The following XPO5 variants were observed in gnomAD, a reference collection of about 807,000 sequenced individuals.
XPO5 encodes exportin 5.
A neutral mutation model predicts 160.6 loss-of-function variants in XPO5; 46 were observed. The ratio of observed to expected loss-of-function variants is 0.29; its 90% CI spans 0.23 to 0.37. The LOEUF (loss-of-function observed/expected upper bound fraction) is 0.37. Among genes scored for constraint, XPO5 ranks in the 10% least tolerant of loss-of-function variants. XPO5 has a pLI of 1.00. For synonymous variants in XPO5, 537 were observed against 519.3 expected (o/e 1.03, Z -0.46); for missense variants, 1,090 against 1,463.9 (o/e 0.74, Z 4.17).
rs1793895571 is a variant in XPO5 at position 43,530,424 on chromosome 6, A to G, written c.2677+264T>C. On this transcript the variant is annotated intron_variant, in intron 23 of 31. Coordinates refer to ENST00000265351, the MANE Select transcript of XPO5 (RefSeq NM_020750.3). ...CAACAGAGTGAGCAAGACTGTCTCA[A>G]AAAAAAAAAAAAGTTTTATCTGTAA... Among the ~76,000 whole-genome samples the G allele has an allele frequency of 2.0e-5, 3 of 148,104 alleles. No homozygotes were observed. In the South Asian group the frequency reaches 6.3e-4, roughly 31 times the overall value.
At chr6:43,525,298 T>G (rs146531622) in intron 28 of XPO5, 84 bp from the exon 29 acceptor site, 3 of 668,356 alleles carry the variant, frequency 4.5e-6, no homozygotes, top group Admixed American at 4.5e-5. Context: ...AGCCGGAGGG[T>G]TTTTTTTTTT....
At position 43,565,674 on chromosome 6, in the gene XPO5, T is replaced by C; in HGVS notation, c.897A>G (p.Ile299Met). ...VLFGDVAMHY[I>M]LSAAQTADGG... ...AAGATACTCACTGTGCGGCGGAGAG[T>C]ATATAATGCATGGCAACATCTCCAA... Residue 299 changes from isoleucine to methionine, a missense_variant, in exon 8 of 32, where the codon ATA becomes ATG. Transcript: ENST00000265351. The C allele has an allele frequency of 3.1e-6, 5 of 1,606,796 alleles. No individual in the cohort carries two copies. The highest frequency in any genetic ancestry group is 4.2e-6 in the Non-Finnish European group (5 of 1,177,118).
At chr6:43,555,704 G>A (rs1279356499) in intron 13 of XPO5, 132 bp downstream of exon 13, 1 of 1,145,748 alleles carries the variant, frequency 8.7e-7, no homozygotes, top group South Asian at 2.5e-5. Flanking sequence ...TCCCTCTCCA[G>A]GATGAGCAAA....
intron 20 of XPO5, among the ~76,000 whole-genome samples, chr6:43,537,140 CTTTTTT>C (rs70990198): frequency 7.3e-6 from 1 of 137,178 alleles, no homozygotes; most frequent in Non-Finnish European, 1.6e-5. Flanking sequence ...ATAATTAAAA[CTTTTTT>C]TTTTTTTTTT....
At chr6:43,559,775 T>A (rs1762308882) in intron 11 of XPO5, among the ~76,000 whole-genome samples, 1 of 152,150 alleles carries the variant, frequency 6.6e-6, no homozygotes. Flanking sequence ...AGTAAAGGAA[T>A]CTTAGTGATG....
chr6:43,544,875 T>G (rs1794887981), intron 20 of XPO5, among the ~76,000 whole-genome samples: 2 of 152,116 alleles, frequency 1.3e-5, no homozygotes, highest in Admixed American at 1.3e-4. Flanking sequence ...TATTATTTAT[T>G]TATTTATTTA....
chr6:43,528,271 G>A, intron 24 of XPO5, 66 bp from the exon 25 acceptor site: 12 of 1,482,304 alleles, frequency 8.1e-6, no homozygotes, highest in Non-Finnish European at 1.1e-5. Flanking sequence ...AATATCTAAA[G>A]TCAAGTCCAC....
rs1456647751 is a variant in XPO5, at chr6:43,565,669, G to A, written c.902C>T (p.Ser301Phe). ...AAGTAAAGATACTCACTGTGCGGCG[G>A]AGAGTATATAATGCATGGCAACATC... ...FGDVAMHYIL[S>F]AAQTADGGGL... Residue 301 changes from serine to phenylalanine, a missense_variant, in exon 8 of 32, where the codon TCC (serine) becomes TTC (phenylalanine). This residue lies in a region of XPO5 where 810 missense variants were observed against 1,139.0 expected (regional missense o/e 0.71). Transcript: ENST00000265351. 2 of 1,607,050 alleles carry A rather than the reference G, an allele frequency of 1.2e-6. No individual in the cohort carries two copies. Among genetic ancestry groups the A allele is most frequent in the Non-Finnish European group, 1.7e-6 (2 of 1,177,028 alleles).
At position 43,560,197 on chromosome 6, in the gene XPO5, G is replaced by C; in HGVS notation, c.1202C>G (p.Ser401Cys). The change falls in exon 11 of 32, where the codon TCC becomes TGC. Residue 401 changes from serine to cysteine, a missense_variant. Ser to Cys is a moderately radical substitution (Grantham distance 112, BLOSUM62 -1). Around this residue, in one of 3 missense-constraint regions of XPO5, gnomAD observed 810 missense variants for 1,139.0 expected, o/e 0.71. Coordinates refer to ENST00000265351, the MANE Select transcript of XPO5 (RefSeq NM_020750.3). ...ATATACCTTGACCAAGTTAGTCATG[G>C]AAGCACGAAGATATTTTGGTATTAT... ...LAIIPKYLRA[S>C]MTNLVKMGFP... is the part of the protein sequence containing the mutation. 1.2e-6 allele frequency: 2 copies of C among 1,612,600 alleles called. No homozygotes were observed. The highest frequency in any genetic ancestry group is 1.7e-6 in the Non-Finnish European group (2 of 1,179,228).
At chr6:43,524,732 A>G (rs1396905982) in intron 30 of XPO5, 97 bp from the exon 31 acceptor site, 5 of 1,586,468 alleles carry the variant, frequency 3.2e-6, no homozygotes, top group South Asian at 1.2e-5. Flanking sequence ...TGCACCAGCA[A>G]TTTGGCAGGT....
Position 43,533,950 on chromosome 6 carries a change from G to A in XPO5, c.2400C>T (p.Thr800=), listed in dbSNP as rs1238670335. The stretch of plus-strand genomic sequence containing the variant: ...CCGCGTCAAGCATATCCAGAGCCTT[G>A]GTGAAAGGCTCTGCCATTTTGGCTA... The part of the protein sequence containing the change: ...EMLAKMAEPF[T]KALDMLDAEK... The change falls in exon 21 of 32, where the codon ACC becomes ACT. Residue 800 remains threonine, a synonymous_variant. Transcript: ENST00000265351. The A allele has an allele frequency of 6.2e-7, 1 of 1,607,560 alleles. No individual in the cohort carries two copies. The highest frequency in any genetic ancestry group is 1.1e-5 in the South Asian group (1 of 90,590).
chr6:43,551,838 T>A (rs906532385), intron 14 of XPO5, among the ~76,000 whole-genome samples: 1 of 151,614 alleles, frequency 6.6e-6, no homozygotes, highest in Non-Finnish European at 1.5e-5. Flanking sequence ...GCTAATTTTT[T>A]AAATTTTTAG....
At chr6:43,527,436 G>A in intron 26 of XPO5, 198 bp downstream of exon 26, 1 of 514,040 alleles carries the variant, frequency 1.9e-6, no homozygotes, top group South Asian at 2.2e-5. Flanking sequence ...ACTACGCCCA[G>A]CTAATTTTTG....
intron 12 of XPO5, among the ~76,000 whole-genome samples, chr6:43,557,440 T>C (rs1277034846): frequency 6.6e-6 from 1 of 151,400 alleles, no homozygotes; most frequent in African/African-American, 2.4e-5. Flanking sequence ...AAAAAAGAAA[T>C]CAAGTACTGA....
At chr6:43,527,497 C>A in intron 26 of XPO5, 137 bp downstream of exon 26, 1 of 796,340 alleles carries the variant, frequency 1.3e-6, no homozygotes, top group Non-Finnish European at 2.0e-6. Context: ...TGGTCTTGAT[C>A]TTTTGACCTC....
Position 43,528,930 on chromosome 6 carries a change from T to TG in XPO5, c.2678-6dup. On this transcript the variant is annotated splice_region_variant and splice_polypyrimidine_tract_variant and intron_variant, in intron 23 of 31. Coordinates refer to ENST00000265351, the MANE Select transcript of XPO5 (RefSeq NM_020750.3). Reference sequence around the variant, plus strand: ...CCAGAGGCTTTACAAAGACACGTGCTGCAACAAGTTAAGAAATTTTAGTGC... The same window carrying TG: ...CCAGAGGCTTTACAAAGACACGTGCTGGCAACAAGTTAAGAAATTTTAGTGC... The TG allele has an allele frequency of 6.2e-7, 1 of 1,609,544 alleles. No individual in the cohort carries two copies. The highest frequency in any genetic ancestry group is 8.5e-7 in the Non-Finnish European group (1 of 1,178,492).
chr6:43,558,662 G>A (rs1373658944), intron 11 of XPO5, 71 bp from the exon 12 acceptor site: 18 of 1,159,388 alleles, frequency 1.6e-5, no homozygotes, highest in Admixed American at 5.9e-5. Flanking sequence ...AGCTTCAGGA[G>A]TTCAAGCACT....
At chr6:43,575,074 G>A (rs997616831) in intron 1 of XPO5, among the ~76,000 whole-genome samples, 1 of 152,138 alleles carries the variant, frequency 6.6e-6, no homozygotes, top group Non-Finnish European at 1.5e-5. Context: ...TCAGTCCCAA[G>A]AGCAGAGCAT....
intron 23 of XPO5, among the ~76,000 whole-genome samples, chr6:43,530,402 CAG>C (rs1450768355): frequency 2.0e-5 from 3 of 150,114 alleles, no homozygotes; most frequent in East Asian, 3.9e-4. Context: ...GCCTGTGCAA[CAG>C]AGTGAGCAAG....
Sources: allele counts gnomAD v4.1 joint callset (sites outside exome capture counted in the v4.1 genomes callset), GRCh38; gene constraint gnomAD v4.1.1; regional missense constraint gnomAD v4.1.1; transcripts MANE v1.5; gene names NCBI Gene and HGNC (gene_info 2026-07-23, HGNC 2026-07-21).